PPFIA2: variants seen among roughly 807,000 people sequenced by gnomAD.
The protein encoded by PPFIA2 is PPFI scaffold protein A2, also known as liprin-alpha-2.
In PPFIA2, 46 loss-of-function variants were observed where a neutral mutation model predicts 175.5. The observed-to-expected ratio is 0.26, with a 90% CI of 0.21 to 0.34. The LOEUF (loss-of-function observed/expected upper bound fraction) is 0.34. Among genes scored for constraint, PPFIA2 ranks in the 10% least tolerant of loss-of-function variants. The pLI, the probability that PPFIA2 is intolerant of heterozygous loss-of-function variation, is 1.00. For missense variants in PPFIA2, 1,179 were observed against 1,506.1 expected, an observed-to-expected ratio of 0.78 and a Z score of 3.60; for synonymous variants, 568 against 511.4, an observed-to-expected ratio of 1.11 and a Z score of -1.49.
intron 22 of PPFIA2, chr12:81,312,133 T>A: frequency 6.5e-7 from 1 of 1,533,686 alleles, no homozygotes. Flanking sequence ...AATAAACATG[T>A]TCAGCAGCCA....
rs577984270 is a variant in PPFIA2, at chr12:81,697,312, A to T, written c.250-20468T>A. On this transcript the variant is annotated intron_variant, in intron 3 of 32. Transcript: ENST00000549396. Reference sequence around the variant, plus strand: ...TAAATGTCACACAGTATGAGAAATTACATAAATTATGATACATTATTTAAA... The same window carrying T: ...TAAATGTCACACAGTATGAGAAATTTCATAAATTATGATACATTATTTAAA... Among the ~76,000 whole-genome samples the T allele has an allele frequency of 2.0e-5, 3 of 152,220 alleles. No individual in the cohort carries two copies. The South Asian group carries it at 6.2e-4, about 32-fold the overall frequency.
At chr12:81,291,902 T>C (rs148174523) in intron 24 of PPFIA2, among the ~76,000 whole-genome samples, 2 of 152,104 alleles carry the variant, frequency 1.3e-5, no homozygotes. Context: ...CTGAAAGTAG[T>C]TCCTGACCTG....
chr12:81,331,635 T>C (rs955170688), intron 21 of PPFIA2, among the ~76,000 whole-genome samples: 2 of 152,218 alleles, frequency 1.3e-5, no homozygotes, highest in East Asian at 3.8e-4. Context: ...TCATACGCAT[T>C]TAAAGGAAAC....
chr12:81,541,968 C>T (rs554918570), intron 4 of PPFIA2, among the ~76,000 whole-genome samples: 4 of 151,540 alleles, frequency 2.6e-5, no homozygotes, highest in South Asian at 4.2e-4. Flanking sequence ...TCAGGATGAA[C>T]TCATGTTCAG....
chr12:81,510,618 T>C (rs1442878443), intron 4 of PPFIA2, among the ~76,000 whole-genome samples: 1 of 152,086 alleles, frequency 6.6e-6, no homozygotes, highest in Non-Finnish European at 1.5e-5. Flanking sequence ...AAGTCACAAA[T>C]GTGTGTGGCA....
intron 3 of PPFIA2, among the ~76,000 whole-genome samples, chr12:81,734,305 C>G (rs1335194569): frequency 6.6e-6 from 1 of 151,758 alleles, no homozygotes; most frequent in African/African-American, 2.4e-5. Flanking sequence ...GAAAAAATCT[C>G]TTTGCTCTGA....
intron 17 of PPFIA2, among the ~76,000 whole-genome samples, chr12:81,348,329 C>T (rs1198714964): frequency 2.6e-5 from 4 of 152,058 alleles, no homozygotes; most frequent in Admixed American, 2.6e-4. Flanking sequence ...TGAGTCTTTT[C>T]TTAATATTAA....
intron 4 of PPFIA2, among the ~76,000 whole-genome samples, chr12:81,674,203 C>G (rs1299363725): frequency 1.3e-5 from 2 of 151,916 alleles, no homozygotes; most frequent in African/African-American, 4.8e-5. Flanking sequence ...ATTACACTGG[C>G]AAAGAAATTA....
chr12:81,283,922 T>C (rs935848739), intron 25 of PPFIA2, among the ~76,000 whole-genome samples: 3 of 151,704 alleles, frequency 2.0e-5, no homozygotes, highest in African/African-American at 7.2e-5. Context: ...TTTAGAAACA[T>C]GTTACCTGTG....
chr12:81,374,343 C>T (rs927765108), intron 11 of PPFIA2, among the ~76,000 whole-genome samples: 8 of 151,846 alleles, frequency 5.3e-5, no homozygotes, highest in African/African-American at 1.9e-4. Flanking sequence ...TGTTTATCTC[C>T]AGGATTATTA....
chr12:81,439,348 GATACATGT>G (rs965565767), intron 7 of PPFIA2, among the ~76,000 whole-genome samples: 36 of 151,064 alleles, frequency 2.4e-4, no homozygotes, highest in African/African-American at 8.5e-4. Context: ...AATATAGATA[GATACATGT>G]ATATATAAAC....
chr12:81,651,972 T>C (rs550645106), intron 4 of PPFIA2, among the ~76,000 whole-genome samples: 1 of 152,096 alleles, frequency 6.6e-6, no homozygotes, highest in South Asian at 2.1e-4. Flanking sequence ...CTTAATTCCA[T>C]TTCTGCCAAT....
At chr12:81,627,554 A>G (rs967543495) in intron 4 of PPFIA2, among the ~76,000 whole-genome samples, 1 of 152,194 alleles carries the variant, frequency 6.6e-6, no homozygotes, top group African/African-American at 2.4e-5. Context: ...CGTGTCACAC[A>G]TGGGATATAT....
intron 27 of PPFIA2, among the ~76,000 whole-genome samples, chr12:81,280,383 G>A (rs1304829486): frequency 2.0e-5 from 3 of 152,032 alleles, no homozygotes; most frequent in Non-Finnish European, 4.4e-5. Flanking sequence ...ATCACCATAA[G>A]TTGGAAGCAA....
At position 81,261,971 on chromosome 12, in the gene PPFIA2, T is replaced by G. The variant is rs2035726319; in HGVS notation, c.*11A>C. 1 of 1,602,046 alleles carries G rather than the reference T, an allele frequency of 6.2e-7. No individual in the cohort carries two copies. Among genetic ancestry groups the G allele is most frequent in the East Asian group, 2.2e-5 (1 of 44,678 alleles). On this transcript the variant is annotated 3_prime_UTR_variant, in exon 32 of 33. Transcript: ENST00000549396. Reference sequence around the variant, plus strand: ...CACAGCAGGTCAGTGCTGCCTCCTTTGAGTGGCTGGTCAACATGAGTATGT... The same window carrying G: ...CACAGCAGGTCAGTGCTGCCTCCTTGGAGTGGCTGGTCAACATGAGTATGT...
intron 4 of PPFIA2, among the ~76,000 whole-genome samples, chr12:81,640,227 T>A (rs1480474503): frequency 6.6e-6 from 1 of 152,052 alleles, no homozygotes; most frequent in Non-Finnish European, 1.5e-5. Context: ...GTGAAAATAC[T>A]CCCTGAAGAG....
chr12:81,359,855 A>G, intron 15 of PPFIA2, among the ~76,000 whole-genome samples: 1 of 152,042 alleles, frequency 6.6e-6, no homozygotes, highest in Non-Finnish European at 1.5e-5. Flanking sequence ...TCCTGCTTAA[A>G]ATTATTCAAT....
At chr12:81,336,011 C>T (rs2057074521) in intron 21 of PPFIA2, among the ~76,000 whole-genome samples, 1 of 152,112 alleles carries the variant, frequency 6.6e-6, no homozygotes, top group African/African-American at 2.4e-5. Context: ...GTCTACATCA[C>T]TCCTATTTAT....
At position 81,751,824 on chromosome 12, in the gene PPFIA2, G is replaced by A. The variant is rs149524323; in HGVS notation, c.249+2149C>T. Among the ~76,000 whole-genome samples, 208 of 152,120 alleles carry A rather than the reference G, an allele frequency of 1.4e-3. 3 individuals carry two copies. The highest frequency in any genetic ancestry group is 4.6e-3 in the African/African-American group (191 of 41,506). ...GAGATTTACCTCCACAATCAGTTACGTATAAAAATATTTTTCAGTTTTCTC... is the reference window on the plus strand; with the variant it reads ...GAGATTTACCTCCACAATCAGTTACATATAAAAATATTTTTCAGTTTTCTC... On this transcript the variant is annotated intron_variant, in intron 3 of 32. Transcript: ENST00000549396.
Sources: gnomAD v4.1 joint callset for allele counts (sites outside exome capture counted in the v4.1 genomes callset) on GRCh38, gnomAD v4.1.1 for gene constraint, MANE v1.5 for transcripts, NCBI Gene and HGNC (gene_info 2026-07-23, HGNC 2026-07-21) for gene names.